The following TFF2 variants were observed in gnomAD, a reference collection of about 807,000 sequenced individuals.
TFF2 encodes spasmolysin.
Under a neutral mutation model 16.0 loss-of-function variants are expected in TFF2, and 19 were observed. The observed-to-expected ratio is 1.19, with a 90% CI of 0.83 to 1.74. The LOEUF (loss-of-function observed/expected upper bound fraction) is 1.74. Among genes scored for constraint, TFF2 ranks in the 40% most tolerant of loss-of-function variants. The probability of loss-of-function intolerance (pLI) is 0.00; values close to 1 mark genes in which losing one functional copy is unlikely to be tolerated. For missense variants in TFF2, 168 were observed against 166.8 expected (o/e 1.01, Z -0.04); for synonymous variants, 61 against 65.4 (o/e 0.93, Z 0.32).
At chr21:42,350,262 C>A (rs2052106061) in intron 1 of TFF2, 5 of 1,104,630 alleles carry the variant, frequency 4.5e-6, no homozygotes, top group Non-Finnish European at 5.7e-6. Flanking sequence ...CATGGTGGCT[C>A]ATACCTATAA....
chr21:42,348,126 C>A (rs1406832443), intron 2 of TFF2, among the ~76,000 whole-genome samples: 1 of 152,210 alleles, frequency 6.6e-6, no homozygotes, highest in African/African-American at 2.4e-5. Context: ...CCCTGCGGGG[C>A]CCAGCAAGCC....
At position 42,349,867 on chromosome 21, in the gene TFF2, C is replaced by T. The variant is rs769585201; in HGVS notation, c.229+14G>A. 4.4e-6 allele frequency: 7 copies of T among 1,583,224 alleles called. No homozygotes were observed. In the Admixed American group the frequency reaches 7.1e-5, roughly 16 times the overall value. On this transcript the variant is annotated intron_variant, in intron 2 of 3. Transcript: ENST00000291526. ...TGCCAGCTGCTGGCCCAGGAAGATT[C>T]CCTGGAAGATTACCTTGCTTTGGGA...
chr21:42,347,210 T>C (rs1430284307), intron 3 of TFF2, among the ~76,000 whole-genome samples: 1 of 152,240 alleles, frequency 6.6e-6, no homozygotes, highest in Non-Finnish European at 1.5e-5. Context: ...CCTCTGAACG[T>C]TGCAACACCT....
chr21:42,346,392 A>T lies in TFF2; in HGVS notation c.*141T>A, dbSNP rs1433757602. 2 of 1,116,102 alleles carry T rather than the reference A, an allele frequency of 1.8e-6. No individual in the cohort carries two copies. The highest frequency in any genetic ancestry group is 2.6e-6 in the Non-Finnish European group (2 of 757,034). 69.1% of individuals were successfully genotyped at this position (1,116,102 alleles called of 1,614,324 possible). A position where few individuals can be genotyped will look rare whatever the true frequency, so the allele number is the denominator to read the frequency against. Reference sequence around the variant, plus strand: ...TTTAAGGGTTTTATTTAAAGAAATTATATGTTAAACCATTGAAAATGAGGA... The same window carrying T: ...TTTAAGGGTTTTATTTAAAGAAATTTTATGTTAAACCATTGAAAATGAGGA... On this transcript the variant is annotated 3_prime_UTR_variant, in exon 4 of 4. Coordinates refer to ENST00000291526, the MANE Select transcript of TFF2 (RefSeq NM_005423.5).
intron 2 of TFF2, 95 bp downstream of exon 2, chr21:42,349,786 A>C: frequency 7.6e-7 from 1 of 1,307,340 alleles, no homozygotes. Flanking sequence ...TAGACTAGCA[A>C]CTGGGCCTCC....
At chr21:42,347,783 C>T in intron 2 of TFF2, 151 bp from the exon 3 acceptor site, 2 of 1,037,568 alleles carry the variant, frequency 1.9e-6, no homozygotes, top group Admixed American at 2.9e-5. Flanking sequence ...GACGGCCTCC[C>T]CCGGGGACTG....
At chr21:42,349,535 C>G (rs976580157) in intron 2 of TFF2, among the ~76,000 whole-genome samples, 3 of 151,872 alleles carry the variant, frequency 2.0e-5, no homozygotes, top group African/African-American at 7.3e-5. Flanking sequence ...GGCTAACCAA[C>G]CTGGGCTACT....
chr21:42,350,239 A>G, intron 1 of TFF2: 1 of 1,229,138 alleles, frequency 8.1e-7, no homozygotes, highest in East Asian at 3.3e-5. Flanking sequence ...AGGAAAAAAA[A>G]AAAAAAGCCA....
intron 2 of TFF2, 87 bp from the exon 3 acceptor site, chr21:42,347,719 C>T: frequency 6.6e-7 from 1 of 1,517,138 alleles, no homozygotes; most frequent in South Asian, 1.2e-5. Context: ...GAGAGCAGCG[C>T]TGATTTGCAG....
chr21:42,346,437 C>A lies in TFF2; in HGVS notation c.*96G>T. ...TGAGGAAAAGATGGTTAAGAAAACC[C>A]AGGATTTCATGAAGTATGAAGCTGA... On this transcript the variant is annotated 3_prime_UTR_variant, in exon 4 of 4. Transcript: ENST00000291526. The A allele has an allele frequency of 1.4e-6, 2 of 1,480,336 alleles. No homozygotes were observed. Among genetic ancestry groups the A allele is most frequent in the Non-Finnish European group, 1.9e-6 (2 of 1,064,844 alleles). 91.7% of individuals were successfully genotyped at this position (1,480,336 alleles called of 1,614,324 possible). A position where few individuals can be genotyped will look rare whatever the true frequency, so the allele number is the denominator to read the frequency against.
intron 1 of TFF2, 145 bp downstream of exon 1, chr21:42,350,734 G>A: frequency 1.2e-6 from 1 of 838,008 alleles, no homozygotes; most frequent in South Asian, 1.9e-5. Flanking sequence ...ACCCTCCTGA[G>A]CAGTGGCAAA....
At chr21:42,348,129 A>G (rs1032929020) in intron 2 of TFF2, among the ~76,000 whole-genome samples, 1 of 152,338 alleles carries the variant, frequency 6.6e-6, no homozygotes, top group East Asian at 1.9e-4. Flanking sequence ...TGCGGGGCCC[A>G]GCAAGCCTCC....
rs553409565 is a variant in TFF2, at chr21:42,350,685, A to C, written c.79+194T>G. On this transcript the variant is annotated intron_variant, in intron 1 of 3. Transcript: ENST00000291526. Reference sequence around the variant, plus strand: ...ACGGGGCCCGCTGACACCTGCCGTCACTCAGCCTTTCCCTAGGAGGGAGGC... The same window carrying C: ...ACGGGGCCCGCTGACACCTGCCGTCCCTCAGCCTTTCCCTAGGAGGGAGGC... 7.2e-5 allele frequency among the ~76,000 whole-genome samples: 11 copies of C among 152,276 alleles called. No individual in the cohort carries two copies. The East Asian group carries it at 1.7e-3, about 24-fold the overall frequency.
In TFF2 at chr21:42,349,892, A is replaced by G. The variant is rs865897188; in HGVS notation, c.218T>C (p.Leu73Pro). The G allele has an allele frequency of 1.3e-6, 2 of 1,596,528 alleles. No homozygotes were observed. Among genetic ancestry groups the G allele is most frequent in the African/African-American group, 2.7e-5 (2 of 74,628 alleles). Residue 73 changes from leucine (L) to proline (P), a missense_variant, in exon 2 of 4, where the codon CTC becomes CCC. Physicochemically the swap from Leu to Pro is moderately conservative, Grantham distance 98 (BLOSUM62 -3). Transcript: ENST00000291526. Reference sequence around the variant, plus strand: ...CCCTGGAAGATTACCTTGCTTTGGGAGGGGGTGGAAACACCAGGGGACCCC... The same window carrying G: ...CCCTGGAAGATTACCTTGCTTTGGGGGGGGGTGGAAACACCAGGGGACCCC... Reference protein sequence around the residue: ...VTGVPWCFHPLPKQESDQCVM... With the variant: ...VTGVPWCFHPPPKQESDQCVM...
intron 2 of TFF2, 120 bp from the exon 3 acceptor site, chr21:42,347,752 G>A (rs2052080978): frequency 7.6e-7 from 1 of 1,307,788 alleles, no homozygotes; most frequent in South Asian, 1.5e-5. Flanking sequence ...ATGAGGTGCT[G>A]CCTGGGGCAG....
At chr21:42,350,129 CAT>C (rs2052104884) in intron 1 of TFF2, 99 bp from the exon 2 acceptor site, 10 of 1,433,052 alleles carry the variant, frequency 7.0e-6, no homozygotes, top group African/African-American at 1.4e-5. Context: ...CTTGTTGCCA[CAT>C]AGAGAAACAC....
At chr21:42,347,430 CGGA>C in intron 3 of TFF2, 53 bp downstream of exon 3, 1 of 1,609,486 alleles carries the variant, frequency 6.2e-7, no homozygotes, top group South Asian at 1.1e-5. Flanking sequence ...CCTCTACGGA[CGGA>C]GGAGGAATCA....
Position 42,349,897 on chromosome 21 carries a change from G to A in TFF2, c.213C>T (p.His71=), listed in dbSNP as rs1407173629. The A allele has an allele frequency of 6.3e-7, 1 of 1,598,472 alleles. No individual in the cohort carries two copies. Among genetic ancestry groups the A allele is most frequent in the Non-Finnish European group, 8.5e-7 (1 of 1,172,288 alleles). ...SSVTGVPWCF[H]PLPKQESDQC... is the part of the protein sequence containing the mutation. ...GAAGATTACCTTGCTTTGGGAGGGG[G>A]TGGAAACACCAGGGGACCCCAGTGA... Residue 71 remains histidine (H), a synonymous_variant, in exon 2 of 4, where the codon CAC becomes CAT. Coordinates refer to ENST00000291526, the MANE Select transcript of TFF2 (RefSeq NM_005423.5).
At chr21:42,348,787 G>C (rs1261415173) in intron 2 of TFF2, among the ~76,000 whole-genome samples, 1 of 150,176 alleles carries the variant, frequency 6.7e-6, no homozygotes, top group Non-Finnish European at 1.5e-5. Flanking sequence ...TAGACTAACA[G>C]TCCAGGCTAG....
Sources: gnomAD v4.1 joint callset for allele counts (sites outside exome capture counted in the v4.1 genomes callset) on GRCh38, gnomAD v4.1.1 for gene constraint, MANE v1.5 for transcripts, NCBI Gene and HGNC (gene_info 2026-07-23, HGNC 2026-07-21) for gene names.